The following SYK variants were observed in gnomAD, a reference collection of about 807,000 sequenced individuals.
The protein encoded by SYK is spleen associated tyrosine kinase, also known as tyrosine-protein kinase SYK.
A neutral mutation model predicts 77.8 loss-of-function variants in SYK; 16 were observed. The observed-to-expected ratio is 0.21, with a 90% CI of 0.14 to 0.31. The LOEUF is 0.31. SYK is among the 10% of genes least tolerant of loss of function. SYK has a pLI of 1.00. For synonymous variants in SYK, 312 were observed against 308.7 expected, an observed-to-expected ratio of 1.01 and a Z score of -0.11; for missense variants, 529 against 814.4, an observed-to-expected ratio of 0.65 and a Z score of 4.26.
intron 6 of SYK, among the ~76,000 whole-genome samples, chr9:90,865,359 G>A (rs1450848763): frequency 1.3e-5 from 2 of 151,558 alleles, no homozygotes; most frequent in Non-Finnish European, 2.9e-5. Flanking sequence ...CCTGACTGGA[G>A]TGCACTGGTG....
chr9:90,808,364 G>A (rs1054384129), intron 1 of SYK, among the ~76,000 whole-genome samples: 7 of 151,164 alleles, frequency 4.6e-5, no homozygotes, highest in Admixed American at 2.6e-4. Flanking sequence ...CATTACCCCC[G>A]TCTCCCGGGG....
intron 1 of SYK, among the ~76,000 whole-genome samples, chr9:90,802,659 T>G (rs931231923): frequency 3.9e-5 from 6 of 151,946 alleles, no homozygotes; most frequent in African/African-American, 7.3e-5. Flanking sequence ...CATTCTTTTG[T>G]TGGAATGTTC....
chr9:90,874,603 T>C, intron 8 of SYK, 69 bp from the exon 9 acceptor site: 6 of 1,507,510 alleles, frequency 4.0e-6, no homozygotes, highest in Non-Finnish European at 5.4e-6. Context: ...ATGAAGATCA[T>C]GTTCTTGGAA....
At chr9:90,876,955 C>T (rs1827958515) in intron 9 of SYK, among the ~76,000 whole-genome samples, 1 of 152,178 alleles carries the variant, frequency 6.6e-6, no homozygotes, top group Non-Finnish European at 1.5e-5. Context: ...TACATGTCAT[C>T]GTTGGTGAAG....
At chr9:90,847,421 C>T (rs79161607) in intron 3 of SYK, among the ~76,000 whole-genome samples, 2,323 of 139,394 alleles carry the variant, frequency 0.017, 60 homozygotes, top group African/African-American at 0.064. Context: ...GGTTCTTATT[C>T]TCCTGGGTTC....
chr9:90,829,614 G>T (rs184301753), intron 1 of SYK, among the ~76,000 whole-genome samples: 1 of 152,146 alleles, frequency 6.6e-6, no homozygotes, highest in Non-Finnish European at 1.5e-5. Context: ...TCTTACTTTC[G>T]TGAGCCATTT....
At chr9:90,858,538 G>A (rs886299832) in intron 3 of SYK, among the ~76,000 whole-genome samples, 1 of 152,230 alleles carries the variant, frequency 6.6e-6, no homozygotes, top group African/African-American at 2.4e-5. Flanking sequence ...CTGTGTGCAC[G>A]CCCTCTCTGG....
At chr9:90,820,611 C>A (rs935297920) in intron 1 of SYK, among the ~76,000 whole-genome samples, 1 of 152,176 alleles carries the variant, frequency 6.6e-6, no homozygotes, top group Non-Finnish European at 1.5e-5. Flanking sequence ...AGGCTGCACA[C>A]TGCATGAGGA....
intron 11 of SYK, 34 bp downstream of exon 11, chr9:90,878,987 GGT>G: frequency 1.3e-6 from 2 of 1,485,080 alleles, no homozygotes; most frequent in Non-Finnish European, 1.8e-6. Flanking sequence ...CAGAGCAGCA[GGT>G]GGTAAAAAAT....
chr9:90,867,348 T>C (rs7020271), intron 7 of SYK, 149 bp downstream of exon 7: 126,332 of 764,554 alleles, frequency 0.17, 12,779 homozygotes, highest in Admixed American at 0.35. Flanking sequence ...TCACACCTGC[T>C]GTTCCTGGGC....
At chr9:90,874,912 A>T in intron 9 of SYK, 63 bp downstream of exon 9, 2 of 1,567,520 alleles carry the variant, frequency 1.3e-6, no homozygotes, top group Non-Finnish European at 1.7e-6. Flanking sequence ...CATGACTGAG[A>T]ATAACAAAAT....
chr9:90,878,379 T>A (rs1482441926), intron 10 of SYK, among the ~76,000 whole-genome samples: 1 of 152,204 alleles, frequency 6.6e-6, no homozygotes, highest in African/African-American at 2.4e-5. Context: ...GTCTCTTTAG[T>A]CTCCATGGAA....
At chr9:90,841,380 GTGTGTGTAGTT>G (rs1426992371) in intron 1 of SYK, among the ~76,000 whole-genome samples, 2 of 145,586 alleles carry the variant, frequency 1.4e-5, no homozygotes, top group African/African-American at 4.9e-5. Flanking sequence ...TGTGTGCAGT[GTGTGTGTAGTT>G]TGTGTATGAC....
intron 1 of SYK, among the ~76,000 whole-genome samples, chr9:90,828,219 C>T (rs1432505964): frequency 1.6e-5 from 2 of 126,062 alleles, no homozygotes; most frequent in African/African-American, 6.0e-5. Context: ...TTGCAGTCTG[C>T]TGTGGCCTCA....
chr9:90,845,862 G>A (rs1826574241), intron 3 of SYK, among the ~76,000 whole-genome samples: 1 of 152,198 alleles, frequency 6.6e-6, no homozygotes, highest in Non-Finnish European at 1.5e-5. Flanking sequence ...ATGTGATTCA[G>A]CCCCATATTC....
intron 3 of SYK, among the ~76,000 whole-genome samples, chr9:90,851,880 T>C (rs1826837164): frequency 6.6e-6 from 1 of 152,132 alleles, no homozygotes; most frequent in Non-Finnish European, 1.5e-5. Context: ...AAATATAAAA[T>C]TAGGCATACA....
chr9:90,805,743 T>C (rs962021889), intron 1 of SYK, among the ~76,000 whole-genome samples: 1 of 152,262 alleles, frequency 6.6e-6, no homozygotes, highest in African/African-American at 2.4e-5. Flanking sequence ...GAAAATGTTT[T>C]GGTGTGACCT....
chr9:90,862,905 T>C (rs1219795041), intron 4 of SYK, among the ~76,000 whole-genome samples: 1 of 151,832 alleles, frequency 6.6e-6, no homozygotes, highest in Non-Finnish European at 1.5e-5. Flanking sequence ...GTAAATCGAG[T>C]CTCTCTCTGT....
chr9:90,878,782 C>T lies in SYK; in HGVS notation c.1410C>T (p.Asn470=), dbSNP rs769199770. The change falls in exon 11 of 14, where the codon AAC becomes AAT. Residue 470 remains asparagine, a synonymous_variant. Transcript: ENST00000375754. ...LQQNRHVKDK[N]IIELVHQVSM... ...CTTTCAGACATGTCAAGGATAAGAA[C>T]ATCATAGAACTGGTTCATCAGGTTT... 1 of 1,610,550 alleles carries T rather than the reference C, an allele frequency of 6.2e-7. No homozygotes were observed. Among genetic ancestry groups the T allele is most frequent in the South Asian group, 1.1e-5 (1 of 90,924 alleles).
Sources: allele counts gnomAD v4.1 joint callset (sites outside exome capture counted in the v4.1 genomes callset), GRCh38; gene constraint gnomAD v4.1.1; transcripts MANE v1.5; gene names NCBI Gene and HGNC (gene_info 2026-07-23, HGNC 2026-07-21).